The following ADARB1 variants were observed in gnomAD, a reference collection of about 807,000 sequenced individuals.
ADARB1 encodes adenosine deaminase RNA specific B1, also known as double-stranded RNA-specific editase 1.
Under a neutral mutation model 52.4 loss-of-function variants are expected in ADARB1, and 10 were observed. That is an observed-to-expected ratio of 0.19 (90% CI 0.12 to 0.32). The LOEUF is 0.32. Among genes scored for constraint, ADARB1 ranks in the 10% least tolerant of loss-of-function variants. The pLI is 1.00. For synonymous variants in ADARB1, 349 were observed against 371.1 expected, an observed-to-expected ratio of 0.94 and a Z score of 0.68; for missense variants, 643 against 922.3, an observed-to-expected ratio of 0.70 and a Z score of 3.92.
chr21:45,186,858 T>A (rs950738154), intron 8 of ADARB1, among the ~76,000 whole-genome samples: 7 of 152,256 alleles, frequency 4.6e-5, no homozygotes, highest in African/African-American at 1.7e-4. Flanking sequence ...CACAAGGGTT[T>A]ATTACTGTGC....
intron 1 of ADARB1, among the ~76,000 whole-genome samples, chr21:45,101,536 C>A (rs1483370683): frequency 6.6e-6 from 1 of 152,200 alleles, no homozygotes; most frequent in African/African-American, 2.4e-5. Flanking sequence ...TTTTTTAATG[C>A]TTCTCAAAAG....
rs1357620900 is a variant in ADARB1 at position 45,221,595 on chromosome 21, G to A, written c.1927-423G>A. ...CCCGGGAGGGTCCTGTTCACCAGGG[G>A]CAGCACCCAGGCCAGCTGCCACAAG... On this transcript the variant is annotated intron_variant, in intron 10 of 10. Transcript: ENST00000348831. This position sits in a 1 kb window ranked among gnomAD's most constrained non-coding sequence, Gnocchi z 4.9. Among the ~76,000 whole-genome samples the A allele has an allele frequency of 6.6e-6, 1 of 152,198 alleles. No homozygotes were observed. The highest frequency in any genetic ancestry group is 2.4e-5 in the African/African-American group (1 of 41,454).
chr21:45,191,018 T>C (rs910947237), intron 8 of ADARB1, among the ~76,000 whole-genome samples: 1 of 152,230 alleles, frequency 6.6e-6, no homozygotes, highest in East Asian at 1.9e-4. Flanking sequence ...CTGTAGCTTC[T>C]CAGTTGGTCT....
intron 9 of ADARB1, among the ~76,000 whole-genome samples, chr21:45,219,742 G>A (rs557525981): frequency 1.8e-4 from 27 of 152,328 alleles, no homozygotes; most frequent in African/African-American, 5.3e-4. Context: ...GCCCTTGTTT[G>A]ATGAGAGGAA....
chr21:45,217,466 A>C (rs1230957774), intron 9 of ADARB1, among the ~76,000 whole-genome samples: 2 of 152,142 alleles, frequency 1.3e-5, no homozygotes, highest in African/African-American at 4.8e-5. Flanking sequence ...ATAGTAAAAG[A>C]ACCTTACAAC....
chr21:45,121,064 G>T (rs912668829), intron 1 of ADARB1: 1 of 152,072 alleles, frequency 6.6e-6, no homozygotes, highest in Admixed American at 6.6e-5. Flanking sequence ...TGTAAAAGCC[G>T]CTGATAGTTC....
intron 1 of ADARB1, among the ~76,000 whole-genome samples, chr21:45,093,197 T>C (rs2086626745): frequency 6.6e-6 from 1 of 152,204 alleles, no homozygotes. Context: ...GGCACTTGGC[T>C]TCAGGAACTG....
At chr21:45,124,764 A>G (rs941018843) in intron 1 of ADARB1, among the ~76,000 whole-genome samples, 1 of 4,788 alleles carries the variant, frequency 2.1e-4, no homozygotes, top group African/African-American at 9.8e-4. Context: ...TTCTTTTTAA[A>G]TGGTGTGTGT....
At chr21:45,099,252 G>A (rs1201269806) in intron 1 of ADARB1, among the ~76,000 whole-genome samples, 2 of 152,162 alleles carry the variant, frequency 1.3e-5, no homozygotes, top group Non-Finnish European at 1.5e-5. Context: ...ATTTCCTGTG[G>A]GAGAGCAGCA....
At chr21:45,102,005 C>G (rs1312872015) in intron 1 of ADARB1, among the ~76,000 whole-genome samples, 2 of 152,206 alleles carry the variant, frequency 1.3e-5, no homozygotes, top group Admixed American at 6.5e-5. Flanking sequence ...CCACCTCAGC[C>G]TCCTGAGTAG....
At chr21:45,213,400 G>T (rs2092806341) in intron 9 of ADARB1, among the ~76,000 whole-genome samples, 1 of 151,792 alleles carries the variant, frequency 6.6e-6, no homozygotes, top group African/African-American at 2.4e-5. Flanking sequence ...CTTTATTGAG[G>T]TATAATTGGC....
At chr21:45,216,585 C>A (rs2092867035) in intron 9 of ADARB1, among the ~76,000 whole-genome samples, 3 of 152,070 alleles carry the variant, frequency 2.0e-5, no homozygotes, top group Non-Finnish European at 4.4e-5. Context: ...TTAATGACTT[C>A]AGTCCTTTTA....
At chr21:45,181,461 T>C (rs1356975865) in intron 5 of ADARB1, 1 of 152,274 alleles carries the variant, frequency 6.6e-6, no homozygotes. Flanking sequence ...CTTACTGCTA[T>C]CTTTTACATT....
intron 2 of ADARB1, among the ~76,000 whole-genome samples, chr21:45,164,956 G>T (rs997271062): frequency 6.6e-6 from 1 of 152,154 alleles, no homozygotes; most frequent in Non-Finnish European, 1.5e-5. Flanking sequence ...GAGGTGACAG[G>T]ATTTACACAT....
At chr21:45,155,579 C>T (rs1365906165) in intron 2 of ADARB1, among the ~76,000 whole-genome samples, 1 of 152,084 alleles carries the variant, frequency 6.6e-6, no homozygotes, top group South Asian at 2.1e-4. Context: ...ATCTACCCAC[C>T]CATCCATCAT....
At chr21:45,082,155 T>C (rs1202698847) in intron 1 of ADARB1, among the ~76,000 whole-genome samples, 1 of 152,128 alleles carries the variant, frequency 6.6e-6, no homozygotes, top group East Asian at 1.9e-4. Flanking sequence ...AGGTTAGGAG[T>C]CTTCAACTAG....
chr21:45,085,938 T>C (rs901971430), intron 1 of ADARB1, among the ~76,000 whole-genome samples: 1 of 152,084 alleles, frequency 6.6e-6, no homozygotes, highest in African/African-American at 2.4e-5. Context: ...CATAGGCACG[T>C]GTTATGTGTG....
At chr21:45,148,392 T>C (rs1444952574) in intron 2 of ADARB1, among the ~76,000 whole-genome samples, 1 of 152,172 alleles carries the variant, frequency 6.6e-6, no homozygotes, top group African/African-American at 2.4e-5. Flanking sequence ...ATTGTCAGCA[T>C]TGAAGGAAAG....
rs1037876173 is a variant in ADARB1, at chr21:45,223,732, G to A, written c.*1535G>A. 5.0e-5 allele frequency: 49 copies of A among 985,366 alleles called. No individual in the cohort carries two copies. The highest frequency in any genetic ancestry group is 5.3e-5 in the Non-Finnish European group (44 of 829,996). The allele number at this position is 985,366 out of a possible 1,614,324, so 61.0% of individuals were successfully genotyped here. ...GAGGGGCGTCATCCTCCCACCGGACGCTGGGAGCTCAGACCCCAAAACTGA... is the reference window on the plus strand; with the variant it reads ...GAGGGGCGTCATCCTCCCACCGGACACTGGGAGCTCAGACCCCAAAACTGA... On this transcript the variant is annotated 3_prime_UTR_variant, in exon 11 of 11. Coordinates refer to ENST00000348831, the MANE Select transcript of ADARB1 (RefSeq NM_001112.4).
Sources: gnomAD v4.1 joint callset for allele counts (sites outside exome capture counted in the v4.1 genomes callset) on GRCh38, gnomAD v4.1.1 for gene constraint, Gnocchi (gnomAD v3.1) non-coding constraint, MANE v1.5 for transcripts, NCBI Gene and HGNC (gene_info 2026-07-23, HGNC 2026-07-21) for gene names.